Variants in TMPRSS11B observed in about 807,000 individuals in gnomAD.
TMPRSS11B encodes the protein transmembrane protease serine 11B.
Under a neutral mutation model 44.7 loss-of-function variants are expected in TMPRSS11B, and 53 were observed. The ratio of observed to expected loss-of-function variants is 1.19; its 90% CI spans 0.95 to 1.49. The LOEUF (loss-of-function observed/expected upper bound fraction) is 1.49. Among genes scored for constraint, TMPRSS11B ranks in the 40% most tolerant of loss-of-function variants. The pLI is 0.00. For missense variants in TMPRSS11B, 526 were observed against 494.8 expected, an observed-to-expected ratio of 1.06 and a Z score of -0.60; for synonymous variants, 140 against 159.2, an observed-to-expected ratio of 0.88 and a Z score of 0.91.
At chr4:68,233,540 G>GT (rs1719578553) in intron 5 of TMPRSS11B, among the ~76,000 whole-genome samples, 1 of 151,954 alleles carries the variant, frequency 6.6e-6, no homozygotes, top group Admixed American at 6.6e-5. Flanking sequence ...AAGAGGGATA[G>GT]ATTGTTTACT....
At chr4:68,231,475 T>C (rs991042879) in intron 6 of TMPRSS11B, 95 bp from the exon 7 acceptor site, 8 of 1,122,550 alleles carry the variant, frequency 7.1e-6, no homozygotes, top group Non-Finnish European at 8.7e-6. Flanking sequence ...CTTTCAGTGA[T>C]TATTCAACTT....
chr4:68,236,670 C>CAT (rs1719677077), intron 2 of TMPRSS11B, among the ~76,000 whole-genome samples: 3 of 152,126 alleles, frequency 2.0e-5, no homozygotes, highest in African/African-American at 4.8e-5. Flanking sequence ...CAGCAATGCC[C>CAT]ACAGTCACTA....
rs527643599 is a variant in TMPRSS11B, at chr4:68,237,409, A to G, written c.125-1143T>C. Among the ~76,000 whole-genome samples, 7 of 152,120 alleles carry G rather than the reference A, an allele frequency of 4.6e-5. 2 individuals are homozygous for G. Among genetic ancestry groups the G allele is most frequent in the African/African-American group, 1.7e-4 (7 of 41,510 alleles). ...TGCTGCAATAAACATAAGGGTGCAT[A>G]TGTCTTTATAGTAGAATGATAATGA... On this transcript the variant is annotated intron_variant, in intron 2 of 9. Coordinates refer to ENST00000332644, the MANE Select transcript of TMPRSS11B (RefSeq NM_182502.3).
chr4:68,234,958 T>C (rs989292020), intron 4 of TMPRSS11B, among the ~76,000 whole-genome samples: 20 of 152,174 alleles, frequency 1.3e-4, no homozygotes, highest in African/African-American at 4.6e-4. Context: ...AAAGAATTTT[T>C]CTAATAACTT....
intron 1 of TMPRSS11B, among the ~76,000 whole-genome samples, chr4:68,242,224 ATT>A (rs1719850102): frequency 1.2e-5 from 1 of 86,218 alleles, no homozygotes; most frequent in Non-Finnish European, 2.0e-5. Flanking sequence ...ATAATATTAT[ATT>A]ATATTATATA....
intron 5 of TMPRSS11B, among the ~76,000 whole-genome samples, chr4:68,234,248 T>A (rs1719598065): frequency 1.3e-5 from 2 of 152,024 alleles, no homozygotes; most frequent in Admixed American, 1.3e-4. Context: ...CTTACATCCA[T>A]GCTTGCAGTG....
Position 68,236,063 on chromosome 4 carries a change from T to A in TMPRSS11B, c.247A>T (p.Asn83Tyr). 1 of 1,592,742 alleles carries A rather than the reference T, an allele frequency of 6.3e-7. No individual in the cohort carries two copies. The highest frequency in any genetic ancestry group is 2.2e-5 in the East Asian group (1 of 44,448). ...LSKDIETKML[N>Y]AFQNSSIYKE... ...TATATACTGGAATTTTGAAATGCAT[T>A]TAACATCTGACAAGAGAAAAAAAAC... Residue 83 changes from asparagine (N) to tyrosine (Y), a missense_variant, in exon 4 of 10, where the codon AAT becomes TAT. Asn to Tyr is a moderately radical substitution (Grantham distance 143). Transcript: ENST00000332644.
At chr4:68,236,834 G>C (rs1033072528) in intron 2 of TMPRSS11B, among the ~76,000 whole-genome samples, 2 of 151,904 alleles carry the variant, frequency 1.3e-5, no homozygotes, top group African/African-American at 4.8e-5. Flanking sequence ...GATATACACT[G>C]TCTTGCACCC....
chr4:68,233,714 T>G (rs574352688), intron 5 of TMPRSS11B, among the ~76,000 whole-genome samples: 7 of 152,102 alleles, frequency 4.6e-5, no homozygotes, highest in Admixed American at 4.6e-4. Context: ...TCCAGACAAT[T>G]TTTTTCTTTA....
chr4:68,244,726 G>C (rs1719952863), intron 1 of TMPRSS11B, among the ~76,000 whole-genome samples: 1 of 152,320 alleles, frequency 6.6e-6, no homozygotes, highest in Non-Finnish European at 1.5e-5. Flanking sequence ...CCAGTGGTTA[G>C]ATTTCCTTTT....
chr4:68,229,655 C>A (rs1719455374), intron 7 of TMPRSS11B, 139 bp from the exon 8 acceptor site: 1 of 719,868 alleles, frequency 1.4e-6, no homozygotes, highest in Non-Finnish European at 2.2e-6. Flanking sequence ...TGAAAACTAT[C>A]TTTGACATGG....
intron 7 of TMPRSS11B, among the ~76,000 whole-genome samples, chr4:68,230,271 A>C (rs1386123631): frequency 2.6e-5 from 4 of 152,158 alleles, no homozygotes; most frequent in African/African-American, 7.2e-5. Context: ...CTTTGGATAT[A>C]CTCAATTTTT....
In TMPRSS11B at chr4:68,245,605, T is replaced by C. The variant is rs1447001731; in HGVS notation, c.-47A>G. 5 of 1,606,552 alleles carry C rather than the reference T, an allele frequency of 3.1e-6. No individual in the cohort carries two copies. The highest frequency in any genetic ancestry group is 1.3e-5 in the African/African-American group (1 of 74,822). On this transcript the variant is annotated 5_prime_UTR_variant, in exon 1 of 10. Transcript: ENST00000332644. The stretch of plus-strand genomic sequence containing the variant: ...GTATCAGGTATAACGGTGGTAATGA[T>C]GATGACGAAGATAACGATAACGATG...
chr4:68,236,093 A>G (rs1719656598), intron 3 of TMPRSS11B, 24 bp from the exon 4 acceptor site: 2 of 1,577,198 alleles, frequency 1.3e-6, no homozygotes, highest in Non-Finnish European at 1.7e-6. Flanking sequence ...AAAAACAGTC[A>G]TCATGTATGT....
chr4:68,245,627 G>A lies in TMPRSS11B; in HGVS notation c.-69C>T. On this transcript the variant is annotated 5_prime_UTR_variant, in exon 1 of 10. Transcript: ENST00000332644. ...TGATGATGACGAAGATAACGATAAC[G>A]ATGACAATGCTGGTAATAGTGATGA... 3 of 1,562,180 alleles carry A rather than the reference G, an allele frequency of 1.9e-6. No individual in the cohort carries two copies. The highest frequency in any genetic ancestry group is 2.6e-6 in the Non-Finnish European group (3 of 1,133,756).
At position 68,234,337 on chromosome 4, in the gene TMPRSS11B, C is replaced by A. The variant is rs10471152; in HGVS notation, c.469+126G>T. 6.6e-3 allele frequency: 5,942 copies of A among 894,920 alleles called. 181 individuals are homozygous for A. In the African/African-American group the frequency reaches 0.081, roughly 12 times the overall value. The allele number at this position is 894,920 out of a possible 1,614,324, so 55.4% of individuals were successfully genotyped here. ...CACTACCAAGTCATTGCTAGGGGTG[C>A]CAGAGTTAGGTACGCATATTTTTTT... On this transcript the variant is annotated intron_variant, in intron 5 of 9. Transcript: ENST00000332644.
chr4:68,243,373 A>G (rs772712017), intron 1 of TMPRSS11B, among the ~76,000 whole-genome samples: 1 of 152,176 alleles, frequency 6.6e-6, no homozygotes, highest in Non-Finnish European at 1.5e-5. Context: ...ACCTGATACA[A>G]CTGTGCAACT....
At chr4:68,234,760 C>T (rs1343450298) in intron 4 of TMPRSS11B, 137 bp from the exon 5 acceptor site, 11 of 861,370 alleles carry the variant, frequency 1.3e-5, no homozygotes, top group Non-Finnish European at 1.9e-5. Flanking sequence ...ACTATCTAAG[C>T]ATGTATAAAA....
chr4:68,241,564 G>A (rs1183558815), intron 2 of TMPRSS11B, 125 bp downstream of exon 2: 2 of 657,554 alleles, frequency 3.0e-6, no homozygotes, highest in African/African-American at 1.8e-5. Flanking sequence ...AATAAACTGT[G>A]TTGAAATAAA....
Sources: gnomAD v4.1 joint callset for allele counts (sites outside exome capture counted in the v4.1 genomes callset) on GRCh38, gnomAD v4.1.1 for gene constraint, MANE v1.5 for transcripts, NCBI Gene and HGNC (gene_info 2026-07-23, HGNC 2026-07-21) for gene names.